The following ZNF487 variants were observed in gnomAD, a reference collection of about 807,000 sequenced individuals.
ZNF487 encodes KRAB domain only 1.
Under a neutral mutation model 3.0 loss-of-function variants are expected in ZNF487, and 4 were observed. The ratio of observed to expected loss-of-function variants is 1.35; its 90% CI spans 0.66 to 3.08. The LOEUF is 3.08. ZNF487 is among the 30% of genes most tolerant of loss of function. The pLI is 0.01. For synonymous variants in ZNF487, 55 were observed against 34.6 expected (o/e 1.59, Z -2.06); for missense variants, 146 against 98.7 (o/e 1.48, Z -2.03).
the ZNF487 span, among the ~76,000 whole-genome samples, chr10:43,492,033 A>G: frequency 1.3e-5 from 2 of 151,732 alleles, no homozygotes; most frequent in African/African-American, 4.9e-5. Flanking sequence ...TCCTAGGCTC[A>G]AGTGATTCTT....
chr10:43,442,273 A>C (rs1391250997), intron 1 of ZNF487, among the ~76,000 whole-genome samples: 1 of 151,096 alleles, frequency 6.6e-6, no homozygotes, highest in East Asian at 1.9e-4. Context: ...AACAACAAAA[A>C]AAAAACAAAG....
At chr10:43,509,458 C>CATATATAT in the ZNF487 span, among the ~76,000 whole-genome samples, 3,717 of 135,112 alleles carry the variant, frequency 0.028, 82 homozygotes, top group East Asian at 0.1. Context: ...ACTAATGGAA[C>CATATATAT]ATATATATAT....
the ZNF487 span, among the ~76,000 whole-genome samples, chr10:43,520,029 G>A: frequency 2.6e-5 from 4 of 152,116 alleles, no homozygotes; most frequent in Admixed American, 2.6e-4. Flanking sequence ...TGTTGTTCTT[G>A]TTACATACAT....
the ZNF487 span, among the ~76,000 whole-genome samples, chr10:43,492,895 G>A: frequency 1.3e-5 from 2 of 152,092 alleles, no homozygotes; most frequent in African/African-American, 4.8e-5. Context: ...ATCTCTAATA[G>A]AATTTTACTA....
At chr10:43,506,395 T>C in the ZNF487 span, among the ~76,000 whole-genome samples, 1 of 152,082 alleles carries the variant, frequency 6.6e-6, no homozygotes, top group African/African-American at 2.4e-5. Context: ...TCCCAGCTAC[T>C]TGGGAGGCTG....
At chr10:43,443,955 C>T (rs989053515) in intron 1 of ZNF487, among the ~76,000 whole-genome samples, 2 of 151,020 alleles carry the variant, frequency 1.3e-5, no homozygotes, top group Non-Finnish European at 2.9e-5. Context: ...CGGGTTCAAG[C>T]GATTCCTCTG....
chr10:43,460,697 CTTT>C (rs745732807), intron 1 of ZNF487, among the ~76,000 whole-genome samples: 2 of 141,620 alleles, frequency 1.4e-5, no homozygotes, highest in Admixed American at 7.1e-5. Flanking sequence ...TCTTAAAAGT[CTTT>C]TTTTTTTTTT....
chr10:43,481,402 T>C, intron 3 of ZNF487, 27 bp from the exon 4 acceptor site: 1 of 673,196 alleles, frequency 1.5e-6, no homozygotes, highest in Admixed American at 2.7e-5. Context: ...ACATTTATAA[T>C]CTGTGATAAC....
At chr10:43,501,677 G>A in the ZNF487 span, among the ~76,000 whole-genome samples, 1 of 152,116 alleles carries the variant, frequency 6.6e-6, no homozygotes, top group Non-Finnish European at 1.5e-5. Flanking sequence ...GAGGTGGAGA[G>A]GTTGCAGTGA....
At chr10:43,472,046 GC>G (rs1253736835) in intron 1 of ZNF487, among the ~76,000 whole-genome samples, 1 of 152,140 alleles carries the variant, frequency 6.6e-6, no homozygotes, top group Non-Finnish European at 1.5e-5. Context: ...CTGGGGACCT[GC>G]CCCTATTTAC....
chr10:43,449,165 G>A lies in ZNF487; in HGVS notation c.-94+11903G>A, dbSNP rs538372509. Among the ~76,000 whole-genome samples the A allele has an allele frequency of 5.3e-5, 8 of 152,172 alleles. No homozygotes were observed. In the South Asian group the frequency reaches 1.0e-3, roughly 20 times the overall value. Reference sequence around the variant, plus strand: ...ATACAAAAAATTAGCAGGGCATGGCGGCGTGGGCCTGTAATCCCAGCTACT... The same window carrying A: ...ATACAAAAAATTAGCAGGGCATGGCAGCGTGGGCCTGTAATCCCAGCTACT... On this transcript the variant is annotated intron_variant, in intron 1 of 3. Coordinates refer to ENST00000437590, the MANE Select transcript of ZNF487 (RefSeq NM_001355444.3).
At chr10:43,453,992 A>G (rs1247346155) in intron 1 of ZNF487, 1 of 152,232 alleles carries the variant, frequency 6.6e-6, no homozygotes, top group Non-Finnish European at 1.5e-5. Context: ...AAGGTTTGAA[A>G]TAATGCAATT....
At chr10:43,491,035 C>G in the ZNF487 span, among the ~76,000 whole-genome samples, 4 of 139,720 alleles carry the variant, frequency 2.9e-5, no homozygotes, top group Admixed American at 3.0e-4. Context: ...GGCATGATCT[C>G]GGCTCACTGC....
At chr10:43,446,031 G>T (rs1371068461) in intron 1 of ZNF487, among the ~76,000 whole-genome samples, 3 of 152,194 alleles carry the variant, frequency 2.0e-5, no homozygotes, top group Admixed American at 1.3e-4. Context: ...CAAGGCAGAA[G>T]AATTTTTCTT....
the ZNF487 span, among the ~76,000 whole-genome samples, chr10:43,491,193 C>G: frequency 6.6e-6 from 1 of 151,346 alleles, no homozygotes; most frequent in African/African-American, 2.5e-5. Flanking sequence ...AGGATGGTCT[C>G]AAACTCCTCA....
intron 1 of ZNF487, among the ~76,000 whole-genome samples, chr10:43,445,933 C>T (rs1052743706): frequency 2.6e-5 from 4 of 152,084 alleles, no homozygotes; most frequent in East Asian, 3.9e-4. Context: ...CATCTTGCAC[C>T]GCCCTTAATC....
chr10:43,496,476 C>T, the ZNF487 span, among the ~76,000 whole-genome samples: 7 of 152,094 alleles, frequency 4.6e-5, no homozygotes, highest in African/African-American at 1.7e-4. Flanking sequence ...CAAGTTGCAG[C>T]AAGGAGAGGA....
the ZNF487 span, among the ~76,000 whole-genome samples, chr10:43,491,302 T>C: frequency 2.0e-4 from 30 of 151,876 alleles, 3 homozygotes; most frequent in African/African-American, 6.8e-4. Flanking sequence ...ACTCTATGTT[T>C]AGTGCAGGTT....
At chr10:43,474,931 AG>A (rs1444581035) in intron 1 of ZNF487, among the ~76,000 whole-genome samples, 1 of 151,922 alleles carries the variant, frequency 6.6e-6, no homozygotes, top group African/African-American at 2.4e-5. Context: ...TTCTACTAAA[AG>A]ACTGCCACCT....
Sources: gnomAD v4.1 joint callset for allele counts (sites outside exome capture counted in the v4.1 genomes callset) on GRCh38, gnomAD v4.1.1 for gene constraint, MANE v1.5 for transcripts, NCBI Gene and HGNC (gene_info 2026-07-23, HGNC 2026-07-21) for gene names.